Variants in SNX29 observed in about 807,000 individuals in gnomAD.
SNX29 encodes the protein sorting nexin-29.
In SNX29, 78 loss-of-function variants were observed where a neutral mutation model predicts 102.1. The ratio of observed to expected loss-of-function variants is 0.76; its 90% confidence interval spans 0.64 to 0.92. The LOEUF (loss-of-function observed/expected upper bound fraction) is 0.92, where lower values mean the gene tolerates loss of function less well. Ranked by LOEUF, SNX29 falls within the 40% of genes least tolerant of loss-of-function variation. The probability of loss-of-function intolerance (pLI) is 0.00; values close to 1 mark genes in which losing one functional copy is unlikely to be tolerated. For synonymous variants in SNX29, 580 were observed against 414.5 expected (o/e 1.40, Z -4.85); for missense variants, 1,280 against 1,061.7 (o/e 1.21, Z -2.86).
rs540077601 is a variant in SNX29 at position 12,522,344 on chromosome 16, A to G, written c.2179-2358A>G. Among the ~76,000 whole-genome samples the G allele has an allele frequency of 6.0e-3, 907 of 151,964 alleles. 4 individuals are homozygous for G. Among genetic ancestry groups the G allele is most frequent in the Middle Eastern group, 0.014 (4 of 294 alleles). ...AGCCCTGGCTCAAAGGTGCCTCTCA[A>G]GAAAGACTCTTCTTGCCATGCTCGG... On this transcript the variant is annotated intron_variant, in intron 19 of 20. Coordinates refer to ENST00000566228, the MANE Select transcript of SNX29 (RefSeq NM_032167.5).
chr16:12,523,152 T>C (rs1311957622), intron 19 of SNX29, among the ~76,000 whole-genome samples: 1 of 152,150 alleles, frequency 6.6e-6, no homozygotes, highest in Admixed American at 6.5e-5. Context: ...CACGTGATGC[T>C]AGGTGGTTTT....
chr16:12,176,230 T>C (rs903074338), intron 13 of SNX29, among the ~76,000 whole-genome samples: 3 of 152,216 alleles, frequency 2.0e-5, no homozygotes, highest in African/African-American at 7.2e-5. Flanking sequence ...CTCTGGTATT[T>C]TGTTATGGCA....
At chr16:12,304,657 T>A (rs950825014) in intron 15 of SNX29, among the ~76,000 whole-genome samples, 1 of 152,188 alleles carries the variant, frequency 6.6e-6, no homozygotes, top group Non-Finnish European at 1.5e-5. Flanking sequence ...CCTCCCAAAG[T>A]GTTGGGATTA....
intron 3 of SNX29, among the ~76,000 whole-genome samples, chr16:12,016,367 A>G (rs146554316): frequency 2.4e-4 from 37 of 152,314 alleles, no homozygotes; most frequent in African/African-American, 7.7e-4. Flanking sequence ...TTGCTGAGTC[A>G]GAGAGCAGCC....
intron 18 of SNX29, among the ~76,000 whole-genome samples, chr16:12,450,500 C>G (rs945613405): frequency 6.6e-6 from 1 of 152,184 alleles, no homozygotes; most frequent in African/African-American, 2.4e-5. Context: ...AATGATGTGC[C>G]CATTCCTGAA....
intron 14 of SNX29, among the ~76,000 whole-genome samples, chr16:12,227,475 A>C (rs906499309): frequency 6.6e-5 from 10 of 152,236 alleles, no homozygotes; most frequent in Admixed American, 6.5e-4. Flanking sequence ...AAAGGCACAC[A>C]GAAATGACCA....
chr16:12,322,332 G>T lies in SNX29; in HGVS notation c.1783-33831G>T, dbSNP rs569548810. ...TCTCTGGTGGAAATCAGGGGCTATCGCAAGAGAGGGCAGGGAGGGGACCCT... is the reference window on the plus strand; with the variant it reads ...TCTCTGGTGGAAATCAGGGGCTATCTCAAGAGAGGGCAGGGAGGGGACCCT... On this transcript the variant is annotated intron_variant, in intron 15 of 20. Transcript: ENST00000566228. Among the ~76,000 whole-genome samples, 15 of 152,230 alleles carry T rather than the reference G, an allele frequency of 9.9e-5. No homozygotes were observed. In the South Asian group the frequency reaches 2.9e-3, roughly 30 times the overall value.
intron 18 of SNX29, among the ~76,000 whole-genome samples, chr16:12,470,128 G>T (rs62028444): frequency 0.02 from 3,063 of 152,362 alleles, 58 homozygotes; most frequent in East Asian, 0.051. Context: ...GTACGTCCAA[G>T]AAAGTTCCAG....
At chr16:12,150,911 CCT>C (rs1689110862) in intron 13 of SNX29, among the ~76,000 whole-genome samples, 2 of 152,200 alleles carry the variant, frequency 1.3e-5, no homozygotes, top group African/African-American at 4.8e-5. Context: ...GGATAGGACC[CCT>C]GTTTTCCTCC....
chr16:12,360,074 T>G (rs1394931868), intron 16 of SNX29, among the ~76,000 whole-genome samples: 1 of 152,238 alleles, frequency 6.6e-6, no homozygotes, highest in African/African-American at 2.4e-5. Flanking sequence ...TCTGCCCGCC[T>G]CGGCCTCCCA....
intron 18 of SNX29, among the ~76,000 whole-genome samples, chr16:12,429,358 C>G (rs558868507): frequency 1.1e-3 from 171 of 152,332 alleles, no homozygotes; most frequent in Non-Finnish European, 2.1e-3. Flanking sequence ...CTCCTTCTAG[C>G]TTTTCTTCTG....
intron 2 of SNX29, among the ~76,000 whole-genome samples, chr16:12,000,038 G>T (rs532802518): frequency 6.6e-6 from 1 of 151,408 alleles, no homozygotes; most frequent in South Asian, 2.1e-4. Flanking sequence ...AGAAGGCTAG[G>T]ACAAGGAGGA....
intron 15 of SNX29, among the ~76,000 whole-genome samples, chr16:12,332,483 G>A (rs1026715444): frequency 6.6e-6 from 1 of 152,108 alleles, no homozygotes; most frequent in South Asian, 2.1e-4. Flanking sequence ...CTCTTTGTGC[G>A]CCTTTTGCCT....
At chr16:12,334,955 C>T (rs879935937) in intron 15 of SNX29, among the ~76,000 whole-genome samples, 3 of 121,126 alleles carry the variant, frequency 2.5e-5, no homozygotes, top group Admixed American at 1.0e-4. Context: ...TGATGTCATA[C>T]ACAAACCTTT....
At chr16:11,978,047 A>T (rs564191313) in intron 1 of SNX29, among the ~76,000 whole-genome samples, 2 of 152,124 alleles carry the variant, frequency 1.3e-5, no homozygotes, top group South Asian at 4.2e-4. Context: ...TTTAACTTTT[A>T]AAGTTATCTC....
In SNX29 at chr16:12,138,648, T is replaced by C. The variant is rs184717342; in HGVS notation, c.1595+8890T>C. On this transcript the variant is annotated intron_variant, in intron 13 of 20. Coordinates refer to ENST00000566228, the MANE Select transcript of SNX29 (RefSeq NM_032167.5). ...AGTAGAGACCAGAAATAAGACCCAGTTTTTGTTACATGTCTTTCAAAAATT... is the reference window on the plus strand; with the variant it reads ...AGTAGAGACCAGAAATAAGACCCAGCTTTTGTTACATGTCTTTCAAAAATT... Among the ~76,000 whole-genome samples, 124 of 152,160 alleles carry C rather than the reference T, an allele frequency of 8.1e-4. 1 individual carries two copies. The highest frequency in any genetic ancestry group is 2.7e-3 in the African/African-American group (113 of 41,494).
intron 14 of SNX29, among the ~76,000 whole-genome samples, chr16:12,246,940 G>C (rs946287414): frequency 6.6e-6 from 1 of 152,168 alleles, no homozygotes; most frequent in African/African-American, 2.4e-5. Flanking sequence ...ATATGGGGAA[G>C]GCCAGAGGCA....
At chr16:12,564,077 A>C (rs1347392539) in intron 20 of SNX29, among the ~76,000 whole-genome samples, 2 of 152,024 alleles carry the variant, frequency 1.3e-5, no homozygotes, top group South Asian at 2.1e-4. Context: ...GTATTTTGGG[A>C]GTTTGTAATA....
rs185116763 is a variant in SNX29 at position 12,561,408 on chromosome 16, A to G, written c.2319-7098A>G. ...GGCCACATCCCCGCCACACACACAG[A>G]TCAGTCCTAGCTGGGTTGCAGGGAT... On this transcript the variant is annotated intron_variant, in intron 20 of 20. Transcript: ENST00000566228. Among the ~76,000 whole-genome samples the G allele has an allele frequency of 1.9e-4, 29 of 152,214 alleles. No homozygotes were observed. In the East Asian group the frequency reaches 3.9e-3, roughly 20 times the overall value.
Sources: gnomAD v4.1 joint callset for allele counts (sites outside exome capture counted in the v4.1 genomes callset) on GRCh38, gnomAD v4.1.1 for gene constraint, MANE v1.5 for transcripts, NCBI Gene and HGNC (gene_info 2026-07-23, HGNC 2026-07-21) for gene names.